The following MCM5 variants were observed in gnomAD, a reference collection of about 807,000 sequenced individuals.
MCM5 encodes the protein minichromosome maintenance complex component 5, also known as DNA replication licensing factor MCM5.
Under a neutral mutation model 79.9 loss-of-function variants are expected in MCM5, and 46 were observed. The observed-to-expected ratio is 0.58, with a 90% CI of 0.45 to 0.74. The LOEUF is 0.74. MCM5 is among the 30% of genes least tolerant of loss of function. The pLI is 0.00. For synonymous variants in MCM5, 404 were observed against 390.5 expected (o/e 1.03, Z -0.41); for missense variants, 883 against 1,017.0 (o/e 0.87, Z 1.79).
chr22:35,415,582 T>G (rs531015684), intron 9 of MCM5, among the ~76,000 whole-genome samples: 23 of 152,206 alleles, frequency 1.5e-4, no homozygotes, highest in Admixed American at 5.9e-4. Context: ...AGGGCTGTGG[T>G]GAGGCTTAGG....
intron 8 of MCM5, among the ~76,000 whole-genome samples, chr22:35,413,122 A>C (rs1269089782): frequency 6.7e-6 from 1 of 149,032 alleles, no homozygotes; most frequent in Non-Finnish European, 1.5e-5. Context: ...GGCTCACTGC[A>C]AGCTCCGCCT....
chr22:35,437,874 A>T, the MCM5 span, among the ~76,000 whole-genome samples: 1 of 152,192 alleles, frequency 6.6e-6, no homozygotes, highest in South Asian at 2.1e-4. Flanking sequence ...CCAGGTTGGA[A>T]AGTGTCAATC....
At chr22:35,438,379 T>TCACC in the MCM5 span, among the ~76,000 whole-genome samples, 1 of 110,118 alleles carries the variant, frequency 9.1e-6, no homozygotes, top group East Asian at 3.0e-4. Context: ...ATCCATCCAT[T>TCACC]CATCCATCCA....
intron 14 of MCM5, 104 bp downstream of exon 14, chr22:35,420,116 A>G (rs1267845377): frequency 1.3e-5 from 18 of 1,374,812 alleles, no homozygotes; most frequent in Admixed American, 2.4e-5. Flanking sequence ...CACTTGGCAC[A>G]GGCCCATAGT....
downstream of MCM5, among the ~76,000 whole-genome samples, chr22:35,427,401 A>G (rs1363646034): frequency 6.6e-6 from 1 of 152,248 alleles, no homozygotes; most frequent in Non-Finnish European, 1.5e-5. Flanking sequence ...AGCATTCCAG[A>G]GACCAGCTCA....
At chr22:35,433,754 G>A in the MCM5 span, among the ~76,000 whole-genome samples, 1 of 152,200 alleles carries the variant, frequency 6.6e-6, no homozygotes, top group Non-Finnish European at 1.5e-5. Context: ...TGGTGCAACA[G>A]GCTGGAAATA....
In MCM5 at chr22:35,421,479, C is replaced by T. The variant is rs1284461342; in HGVS notation, c.1975+19C>T. The stretch of plus-strand genomic sequence containing the variant: ...CTGTCAGGTGAGCAGATGCAGGGGC[C>T]ATGGTCTCAATTGATCTGGGTTCCC... On this transcript the variant is annotated intron_variant, in intron 15 of 16. Coordinates refer to ENST00000216122, the MANE Select transcript of MCM5 (RefSeq NM_006739.4). 3.1e-6 allele frequency: 5 copies of T among 1,613,850 alleles called. No individual in the cohort carries two copies. The highest frequency in any genetic ancestry group is 4.2e-6 in the Non-Finnish European group (5 of 1,180,042).
At chr22:35,416,271 C>A in intron 10 of MCM5, 68 bp from the exon 11 acceptor site, 1 of 1,480,522 alleles carries the variant, frequency 6.8e-7, no homozygotes, top group South Asian at 1.1e-5. Flanking sequence ...TGTTAGTTTT[C>A]CTGTTTCTAC....
At chr22:35,451,390 C>T in the MCM5 span, among the ~76,000 whole-genome samples, 1 of 152,272 alleles carries the variant, frequency 6.6e-6, no homozygotes, top group Admixed American at 6.5e-5. Context: ...GATCGGCCCC[C>T]TTGCCAGGCG....
At chr22:35,407,777 A>G (rs1302616492) in intron 5 of MCM5, among the ~76,000 whole-genome samples, 1 of 152,152 alleles carries the variant, frequency 6.6e-6, no homozygotes, top group African/African-American at 2.4e-5. Context: ...TCTTCACAGC[A>G]TGTAGCTGTC....
chr22:35,448,447 A>G, the MCM5 span, among the ~76,000 whole-genome samples: 4 of 151,838 alleles, frequency 2.6e-5, no homozygotes, highest in Non-Finnish European at 5.9e-5. Flanking sequence ...TCCCAACCAC[A>G]TGCCAGACCC....
chr22:35,446,244 A>G, the MCM5 span, among the ~76,000 whole-genome samples: 1 of 152,182 alleles, frequency 6.6e-6, no homozygotes, highest in Non-Finnish European at 1.5e-5. Context: ...AGCAGCCCTA[A>G]TAAGGGTATG....
the MCM5 span, among the ~76,000 whole-genome samples, chr22:35,443,534 A>G: frequency 6.6e-6 from 1 of 152,234 alleles, no homozygotes; most frequent in African/African-American, 2.4e-5. Flanking sequence ...GGGCCACGCC[A>G]GTGCTGCGCC....
the MCM5 span, among the ~76,000 whole-genome samples, chr22:35,453,260 C>T: frequency 6.6e-6 from 1 of 152,210 alleles, no homozygotes; most frequent in Admixed American, 6.5e-5. Flanking sequence ...AGTGCTGTCA[C>T]CTGTTTTATG....
chr22:35,404,551 C>T (rs769800800), intron 4 of MCM5, among the ~76,000 whole-genome samples: 7 of 152,124 alleles, frequency 4.6e-5, no homozygotes, highest in African/African-American at 7.2e-5. Flanking sequence ...TTTCACATAC[C>T]GGGCAAGAAC....
chr22:35,417,020 T>A (rs1453766208), intron 12 of MCM5, among the ~76,000 whole-genome samples: 1 of 152,182 alleles, frequency 6.6e-6, no homozygotes, highest in Non-Finnish European at 1.5e-5. Context: ...GCTCTGCCTC[T>A]GCCGTGAGTG....
chr22:35,415,881 T>TG lies in MCM5; in HGVS notation c.1257dup (p.Arg420GlufsTer26). 1 of 1,614,052 alleles carries TG rather than the reference T, an allele frequency of 6.2e-7. No homozygotes were observed. Among genetic ancestry groups the TG allele is most frequent in the Non-Finnish European group, 8.5e-7 (1 of 1,180,004 alleles). On this transcript the variant is annotated frameshift_variant, in exon 10 of 17. Coordinates refer to ENST00000216122, the MANE Select transcript of MCM5 (RefSeq NM_006739.4). LOFTEE classifies it high-confidence loss of function. ...GCAGCTGGACTGACAGCCTCGGTGA[T>TG]GAGGGACCCTTCGTCCCGGAATTTC... is the stretch of plus-strand genomic sequence containing the variant.
rs770447205 is a variant in MCM5, at chr22:35,403,524, C to T, written c.405C>T (p.Ser135=). 1.2e-6 allele frequency: 2 copies of T among 1,613,910 alleles called. No homozygotes were observed. The highest frequency in any genetic ancestry group is 1.7e-5 in the Admixed American group (1 of 60,010). ...QVMLKSDASP[S]SIRSLKSDMM... is the part of the protein sequence containing the mutation. ...TGCTCAAGTCGGACGCCAGCCCTTC[C>T]AGCATTCGTAGCCTGAAGGTGGGTC... The change falls in exon 4 of 17, where the codon TCC becomes TCT. Residue 135 remains serine (S), a synonymous_variant. Transcript: ENST00000216122.
chr22:35,429,874 C>T (rs569014446), downstream of MCM5, among the ~76,000 whole-genome samples: 5 of 152,304 alleles, frequency 3.3e-5, no homozygotes, highest in African/African-American at 1.2e-4. Context: ...TGCTTCTCAG[C>T]CAGTAGGCCT....
Sources: allele counts gnomAD v4.1 joint callset (sites outside exome capture counted in the v4.1 genomes callset), GRCh38; gene constraint gnomAD v4.1.1; transcripts MANE v1.5; gene names NCBI Gene and HGNC (gene_info 2026-07-23, HGNC 2026-07-21).